The following MED20 variants were observed in gnomAD, a reference collection of about 807,000 sequenced individuals.
The protein encoded by MED20 is mediator of RNA polymerase II transcription subunit 20.
In MED20, 19 loss-of-function variants were observed where a neutral mutation model predicts 19.7. The observed-to-expected ratio is 0.96, with a 90% CI of 0.67 to 1.42. The LOEUF (loss-of-function observed/expected upper bound fraction) is 1.42, where lower values mean the gene tolerates loss of function less well. MED20 is among the 40% of genes most tolerant of loss of function. MED20 has a pLI of 0.00. For synonymous variants in MED20, 105 were observed against 104.8 expected (o/e 1.00, Z -0.01); for missense variants, 225 against 273.0 (o/e 0.82, Z 1.24).
At chr6:41,911,854 G>A (rs1775202927) in intron 2 of MED20, among the ~76,000 whole-genome samples, 1 of 151,932 alleles carries the variant, frequency 6.6e-6, no homozygotes, top group South Asian at 2.1e-4. Context: ...TCTCGACTCT[G>A]AAGAAAAAAA....
intron 1 of MED20, chr6:41,917,591 C>T: frequency 2.8e-6 from 1 of 355,848 alleles, no homozygotes; most frequent in South Asian, 2.0e-5. Context: ...AACTGGAGCA[C>T]AGTTCTCAGG....
intron 2 of MED20, among the ~76,000 whole-genome samples, chr6:41,913,637 T>C (rs945116718): frequency 1.3e-5 from 2 of 152,182 alleles, no homozygotes; most frequent in African/African-American, 4.8e-5. Flanking sequence ...CAGTGGCTCA[T>C]GCCTGTAATC....
At chr6:41,918,895 C>T (rs1181468582) in intron 1 of MED20, among the ~76,000 whole-genome samples, 6 of 144,470 alleles carry the variant, frequency 4.2e-5, no homozygotes, top group African/African-American at 1.6e-4. Context: ...TGCAGTGAGC[C>T]GAGATTGCGC....
chr6:41,907,173 G>A lies in MED20; in HGVS notation c.538C>T (p.His180Tyr), dbSNP rs1400823385. 1.2e-6 allele frequency: 2 copies of A among 1,613,948 alleles called. No homozygotes were observed. Among genetic ancestry groups the A allele is most frequent in the Admixed American group, 1.7e-5 (1 of 59,996 alleles). ...TCTGCTGGGCCGTAGACCGCATCAT[G>A]TCTGTTCCCAAACACTGCGGGAGCC... ...PGAPAVFGNRHDAVYGPADTM... is the reference protein window; with the variant it reads ...PGAPAVFGNRYDAVYGPADTM... The change falls in exon 4 of 4, where the codon CAT (histidine) becomes TAT (tyrosine). Residue 180 changes from histidine to tyrosine, a missense_variant. Coordinates refer to ENST00000265350, the MANE Select transcript of MED20 (RefSeq NM_004275.5).
intron 2 of MED20, among the ~76,000 whole-genome samples, chr6:41,916,240 A>C (rs1193467599): frequency 1.3e-5 from 2 of 150,644 alleles, no homozygotes; most frequent in African/African-American, 4.9e-5. Flanking sequence ...GACTGAGCAA[A>C]ACCCTATCTC....
Position 41,910,093 on chromosome 6 carries a change from C to T in MED20, c.170-571G>A, listed in dbSNP as rs548809953. ...GCTGTGATAGGTCTTATCTACCATG[C>T]CTCAAGAAGTTTAGACTGTATCCTG... On this transcript the variant is annotated intron_variant, in intron 2 of 3. Coordinates refer to ENST00000265350, the MANE Select transcript of MED20 (RefSeq NM_004275.5). Among the ~76,000 whole-genome samples the T allele has an allele frequency of 2.1e-4, 32 of 152,142 alleles. No individual in the cohort carries two copies. In the South Asian group the frequency reaches 6.4e-3, roughly 31 times the overall value.
chr6:41,914,896 G>C (rs1461115582), intron 2 of MED20, among the ~76,000 whole-genome samples: 1 of 152,132 alleles, frequency 6.6e-6, no homozygotes, highest in East Asian at 1.9e-4. Context: ...AAACCCTAAA[G>C]CTCTAAAAGA....
Position 41,907,213 on chromosome 6 carries a change from G to T in MED20, c.498C>A (p.Gly166=). The T allele has an allele frequency of 6.2e-7, 1 of 1,614,048 alleles. No individual in the cohort carries two copies. The highest frequency in any genetic ancestry group is 8.5e-7 in the Non-Finnish European group (1 of 1,180,012). The change falls in exon 4 of 4, where the codon GGC becomes GGA. Residue 166 remains glycine, a synonymous_variant. Coordinates refer to ENST00000265350, the MANE Select transcript of MED20 (RefSeq NM_004275.5). The part of the protein sequence containing the change: ...LLLEFLQSFL[G]SHTPGAPAVF... ...CTGCGGGAGCCCCTGGTGTGTGGCT[G>T]CCTAGAAAACTCTGTAGGAACTCGA...
chr6:41,921,022 G>T lies in MED20; in HGVS notation c.-4C>A. 1 of 1,612,738 alleles carries T rather than the reference G, an allele frequency of 6.2e-7. No homozygotes were observed. The highest frequency in any genetic ancestry group is 8.5e-7 in the Non-Finnish European group (1 of 1,179,316). ...AGTCCTACCAAGTCACTCCCATGGC[G>T]TCGGGCCAGGAAGGTGGCAGAATCA... is the stretch of plus-strand genomic sequence containing the variant. On this transcript the variant is annotated 5_prime_UTR_variant, in exon 1 of 4. Transcript: ENST00000265350.
chr6:41,913,605 A>C (rs964868023), intron 2 of MED20, among the ~76,000 whole-genome samples: 1 of 152,216 alleles, frequency 6.6e-6, no homozygotes, highest in Non-Finnish European at 1.5e-5. Flanking sequence ...ATTACTTTAA[A>C]TATTACATGA....
At chr6:41,917,021 A>C in intron 1 of MED20, 82 bp from the exon 2 acceptor site, 1 of 1,485,452 alleles carries the variant, frequency 6.7e-7, no homozygotes, top group Non-Finnish European at 9.3e-7. Flanking sequence ...ACAGCATCAC[A>C]GCTCATCAGG....
chr6:41,909,846 C>A (rs1368956728), intron 2 of MED20, among the ~76,000 whole-genome samples: 1 of 152,210 alleles, frequency 6.6e-6, no homozygotes, highest in Non-Finnish European at 1.5e-5. Flanking sequence ...TAAAGTCTAA[C>A]TCCCACAGAC....
chr6:41,911,659 G>C (rs1001829554), intron 2 of MED20, among the ~76,000 whole-genome samples: 2 of 152,132 alleles, frequency 1.3e-5, no homozygotes, highest in Non-Finnish European at 2.9e-5. Context: ...TTCTAGACGG[G>C]GGTAAGAGTG....
chr6:41,908,941 G>A (rs953145238), intron 3 of MED20: 1 of 374,884 alleles, frequency 2.7e-6, no homozygotes, highest in East Asian at 4.0e-5. Context: ...CCAGCACTTT[G>A]GGGGGCTGAG....
Position 41,906,736 on chromosome 6 carries a change from T to C in MED20, c.*336A>G, listed in dbSNP as rs1775057999. 1 of 270,990 alleles carries C rather than the reference T, an allele frequency of 3.7e-6. No homozygotes were observed. The highest frequency in any genetic ancestry group is 7.2e-6 in the Non-Finnish European group (1 of 139,664). 16.8% of individuals were successfully genotyped at this position (270,990 alleles called of 1,614,324 possible). A position where few individuals can be genotyped will look rare whatever the true frequency, so the allele number is the denominator to read the frequency against. ...CCTTAATAGTTGGGGATACGGACTATTTCCCCCACCAGTACCAGGCAGGGA... is the reference window on the plus strand; with the variant it reads ...CCTTAATAGTTGGGGATACGGACTACTTCCCCCACCAGTACCAGGCAGGGA... On this transcript the variant is annotated 3_prime_UTR_variant, in exon 4 of 4. Coordinates refer to ENST00000265350, the MANE Select transcript of MED20 (RefSeq NM_004275.5).
At chr6:41,908,439 T>C (rs895229836) in intron 3 of MED20, among the ~76,000 whole-genome samples, 9 of 152,028 alleles carry the variant, frequency 5.9e-5, no homozygotes, top group African/African-American at 1.9e-4. Flanking sequence ...ACACACACAC[T>C]CTCTGTGTCA....
At chr6:41,916,125 G>A (rs1775309620) in intron 2 of MED20, among the ~76,000 whole-genome samples, 1 of 151,948 alleles carries the variant, frequency 6.6e-6, no homozygotes, top group South Asian at 2.1e-4. Flanking sequence ...GCTCATGCCT[G>A]TGGTCTCAGC....
At chr6:41,920,769 TA>T (rs550959409) in intron 1 of MED20, 8 of 451,508 alleles carry the variant, frequency 1.8e-5, no homozygotes, top group South Asian at 7.7e-5. Flanking sequence ...GACCCCGTCT[TA>T]AAAAAAACAA....
In MED20 at chr6:41,909,075, G is replaced by A; in HGVS notation, c.423+194C>T. On this transcript the variant is annotated intron_variant, in intron 3 of 3. Coordinates refer to ENST00000265350, the MANE Select transcript of MED20 (RefSeq NM_004275.5). Reference sequence around the variant, plus strand: ...TGTAGTCCCAGGTACTTGGGAGACTGAGGCGGAAGGATCACTTGAGCCCTG... The same window carrying A: ...TGTAGTCCCAGGTACTTGGGAGACTAAGGCGGAAGGATCACTTGAGCCCTG... 8.7e-6 allele frequency: 6 copies of A among 688,640 alleles called. 1 individual carries two copies. The highest frequency in any genetic ancestry group is 4.2e-5 in the South Asian group (2 of 47,752). 42.7% of individuals were successfully genotyped at this position (688,640 alleles called of 1,614,324 possible).
Sources: allele counts gnomAD v4.1 joint callset (sites outside exome capture counted in the v4.1 genomes callset), GRCh38; gene constraint gnomAD v4.1.1; transcripts MANE v1.5; gene names NCBI Gene and HGNC (gene_info 2026-07-23, HGNC 2026-07-21).